The following CD46 variants were observed in gnomAD, a reference collection of about 807,000 sequenced individuals.
CD46 encodes membrane cofactor protein.
CD46 carries 30 observed loss-of-function variants against 53.3 expected under a neutral mutation model. The ratio of observed to expected loss-of-function variants is 0.56; its 90% CI spans 0.42 to 0.76. The LOEUF (loss-of-function observed/expected upper bound fraction) is 0.76. Among genes scored for constraint, CD46 ranks in the 30% least tolerant of loss-of-function variants. The pLI, the probability that CD46 is intolerant of heterozygous loss-of-function variation, is 0.00. For missense variants in CD46, 409 were observed against 463.0 expected, an observed-to-expected ratio of 0.88 and a Z score of 1.07; for synonymous variants, 142 against 152.0, an observed-to-expected ratio of 0.93 and a Z score of 0.48.
intron 12 of CD46, among the ~76,000 whole-genome samples, chr1:207,791,520 C>T (rs41318003): frequency 0.042 from 6,468 of 152,232 alleles, 187 homozygotes; most frequent in Non-Finnish European, 0.067. Context: ...GTATGCTGGA[C>T]GAAGGGATGA....
intron 11 of CD46, 199 bp downstream of exon 11, chr1:207,785,881 A>G: frequency 1.9e-6 from 1 of 534,940 alleles, no homozygotes; most frequent in Non-Finnish European, 3.4e-6. Context: ...CAACATAAAA[A>G]CATCTGTGCA....
At chr1:207,759,543 T>C in intron 3 of CD46, 96 bp from the exon 4 acceptor site, 2 of 708,658 alleles carry the variant, frequency 2.8e-6, no homozygotes, top group Non-Finnish European at 5.1e-6. Context: ...CAAACTACTG[T>C]AGTGTAGAAA....
Position 207,767,843 on chromosome 1 carries a change from A to G in CD46, c.901+20A>G, listed in dbSNP as rs775588546. 19 of 1,579,590 alleles carry G rather than the reference A, an allele frequency of 1.2e-5. No individual in the cohort carries two copies. Among genetic ancestry groups the G allele is most frequent in the Non-Finnish European group, 1.6e-5 (18 of 1,149,290 alleles). On this transcript the variant is annotated intron_variant, in intron 7 of 12. Coordinates refer to ENST00000367042, the MANE Select transcript of CD46 (RefSeq NM_172351.3). ...CCTCAGGTTTAGTAATTTCCTGCTT[A>G]TAGTTTTTCAAAAATCCTTTAAATT...
intron 2 of CD46, 91 bp from the exon 3 acceptor site, chr1:207,757,449 C>A: frequency 1.2e-6 from 1 of 848,056 alleles, no homozygotes; most frequent in Non-Finnish European, 2.0e-6. Context: ...ATTATATTCC[C>A]ACCCATTCAA....
chr1:207,768,484 C>T (rs1318130630), intron 7 of CD46: 1 of 152,240 alleles, frequency 6.6e-6, no homozygotes, highest in Non-Finnish European at 1.5e-5. Flanking sequence ...TGTATTTCTG[C>T]CTCTTCCCTA....
chr1:207,771,809 A>G (rs1233421121), intron 8 of CD46, among the ~76,000 whole-genome samples: 2 of 152,080 alleles, frequency 1.3e-5, no homozygotes, highest in Non-Finnish European at 1.5e-5. Context: ...GCCTTGTAGT[A>G]TAGTTTGAAG....
At chr1:207,791,480 A>T (rs1034305937) in intron 12 of CD46, among the ~76,000 whole-genome samples, 1 of 152,244 alleles carries the variant, frequency 6.6e-6, no homozygotes, top group Admixed American at 6.5e-5. Flanking sequence ...ACAGCTATTG[A>T]GTAACAGGCA....
intron 1 of CD46, among the ~76,000 whole-genome samples, chr1:207,754,093 G>T (rs1056433247): frequency 6.6e-6 from 1 of 152,164 alleles, no homozygotes; most frequent in Non-Finnish European, 1.5e-5. Context: ...ATTGGGATTG[G>T]CAGACATTAA....
chr1:207,758,706 G>A (rs1246972406), intron 3 of CD46, among the ~76,000 whole-genome samples: 1 of 152,140 alleles, frequency 6.6e-6, no homozygotes, highest in East Asian at 1.9e-4. Context: ...GTGAGTCTTG[G>A]AGGAAAAATC....
chr1:207,775,517 C>T (rs1657999102), intron 8 of CD46, among the ~76,000 whole-genome samples: 1 of 151,606 alleles, frequency 6.6e-6, no homozygotes, highest in African/African-American at 2.4e-5. Flanking sequence ...GTGGTTTTAT[C>T]TACCTTTTGT....
chr1:207,788,920 C>T (rs978297692), intron 11 of CD46, among the ~76,000 whole-genome samples: 1 of 152,214 alleles, frequency 6.6e-6, no homozygotes, highest in African/African-American at 2.4e-5. Flanking sequence ...TCATAGCTCT[C>T]AGCTGAGAAC....
At chr1:207,766,157 TA>T (rs1656821692) in intron 5 of CD46, among the ~76,000 whole-genome samples, 2 of 152,068 alleles carry the variant, frequency 1.3e-5, no homozygotes, top group South Asian at 2.1e-4. Context: ...GGAAGAGGGG[TA>T]ACTCACAAAA....
chr1:207,779,299 T>C (rs549510130), intron 8 of CD46, among the ~76,000 whole-genome samples: 4 of 152,304 alleles, frequency 2.6e-5, no homozygotes, highest in Admixed American at 2.6e-4. Flanking sequence ...CTGATTGCTT[T>C]GCCTAGGACC....
intron 8 of CD46, among the ~76,000 whole-genome samples, chr1:207,780,461 G>A (rs922847584): frequency 7.2e-5 from 11 of 151,976 alleles, no homozygotes; most frequent in African/African-American, 2.7e-4. Context: ...CTAGACACTT[G>A]GGTTGGTTTG....
chr1:207,778,599 T>A (rs1384133583), intron 8 of CD46, among the ~76,000 whole-genome samples: 2 of 152,190 alleles, frequency 1.3e-5, no homozygotes, highest in African/African-American at 4.8e-5. Flanking sequence ...TGGTCATAGA[T>A]GTGCAGCCTT....
At chr1:207,758,865 T>C (rs1655865092) in intron 3 of CD46, among the ~76,000 whole-genome samples, 2 of 152,176 alleles carry the variant, frequency 1.3e-5, no homozygotes, top group African/African-American at 4.8e-5. Flanking sequence ...GTTCTAACCT[T>C]ATTGAGAAAT....
chr1:207,757,497 T>C (rs369349977), intron 2 of CD46, 43 bp from the exon 3 acceptor site: 28 of 1,295,898 alleles, frequency 2.2e-5, no homozygotes, highest in Middle Eastern at 1.8e-4. Context: ...TTCAGATCTG[T>C]TTTATAACTG....
intron 4 of CD46, 55 bp downstream of exon 4, chr1:207,759,779 C>G: frequency 1.1e-6 from 1 of 949,038 alleles, no homozygotes; most frequent in East Asian, 2.5e-5. Context: ...AGATTTTTGC[C>G]TCCTTTACAC....
intron 5 of CD46, among the ~76,000 whole-genome samples, chr1:207,766,500 A>G (rs1216529716): frequency 6.6e-6 from 1 of 152,150 alleles, no homozygotes; most frequent in Non-Finnish European, 1.5e-5. Context: ...TCAGAAAGAC[A>G]GGAGAGAGAA....
Sources: gnomAD v4.1 joint callset for allele counts (sites outside exome capture counted in the v4.1 genomes callset) on GRCh38, gnomAD v4.1.1 for gene constraint, MANE v1.5 for transcripts, NCBI Gene and HGNC (gene_info 2026-07-23, HGNC 2026-07-21) for gene names.